IMPG2: variants seen among roughly 807,000 people sequenced by gnomAD.
IMPG2 encodes interphotoreceptor matrix proteoglycan 2.
In IMPG2, 91 loss-of-function variants were observed where a neutral mutation model predicts 129.2. The observed-to-expected ratio is 0.70, with a 90% CI of 0.59 to 0.84. The LOEUF is 0.84. Among genes scored for constraint, IMPG2 ranks in the 40% least tolerant of loss-of-function variants. The pLI is 0.00. For missense variants in IMPG2, 1,430 were observed against 1,461.7 expected, an observed-to-expected ratio of 0.98 and a Z score of 0.35; for synonymous variants, 510 against 517.7, an observed-to-expected ratio of 0.99 and a Z score of 0.20.
chr3:101,249,925 G>C lies in IMPG2; in HGVS notation c.1239+3771C>G, dbSNP rs762412218. 1.7e-3 allele frequency among the ~76,000 whole-genome samples: 258 copies of C among 152,020 alleles called. 1 individual carries two copies. The highest frequency in any genetic ancestry group is 1.9e-3 in the Admixed American group (29 of 15,260). On this transcript the variant is annotated intron_variant, in intron 11 of 18. Transcript: ENST00000193391. The stretch of plus-strand genomic sequence containing the variant: ...GAAAAACATAAAATAAAAAAAAATA[G>C]CTGGGTGCCTTGGTGCACTCCTATA...
intron 7 of IMPG2, among the ~76,000 whole-genome samples, chr3:101,270,570 C>T (rs1051386371): frequency 1.3e-5 from 2 of 151,788 alleles, no homozygotes; most frequent in South Asian, 2.1e-4. Flanking sequence ...CAGGTTGAGG[C>T]GGGTGGATCA....
intron 11 of IMPG2, 108 bp downstream of exon 11, chr3:101,253,588 A>C: frequency 2.6e-6 from 2 of 777,644 alleles, no homozygotes; most frequent in South Asian, 2.9e-5. Flanking sequence ...CAAGAGAATA[A>C]TTGAAATGAG....
At chr3:101,239,936 G>A (rs1195444825) in intron 14 of IMPG2, among the ~76,000 whole-genome samples, 1 of 152,096 alleles carries the variant, frequency 6.6e-6, no homozygotes, top group Admixed American at 6.5e-5. Context: ...AGTGCTAGAG[G>A]AGGGATAGCT....
chr3:101,273,865 T>C, intron 6 of IMPG2, 123 bp from the exon 7 acceptor site: 1 of 991,574 alleles, frequency 1.0e-6, no homozygotes, highest in Admixed American at 2.1e-5. Flanking sequence ...ATCTTATTAT[T>C]TCGTATTTGA....
At chr3:101,247,017 T>A (rs747865202) in intron 11 of IMPG2, among the ~76,000 whole-genome samples, 4 of 151,660 alleles carry the variant, frequency 2.6e-5, no homozygotes, top group Non-Finnish European at 5.9e-5. Flanking sequence ...GATCACTTGA[T>A]CCTGAAAGTT....
Position 101,318,114 on chromosome 3 carries a change from C to T in IMPG2, c.334+1470G>A, listed in dbSNP as rs376768149. Among the ~76,000 whole-genome samples, 177 of 149,800 alleles carry T rather than the reference C, an allele frequency of 1.2e-3. 7 individuals are homozygous for T. In the South Asian group the frequency reaches 0.035, roughly 29 times the overall value. ...TCATGCCACTGCACTCCAGCCTGGG[C>T]GACAGAATGTGAGTATGTCCCAAAA... On this transcript the variant is annotated intron_variant, in intron 2 of 18. Transcript: ENST00000193391.
At chr3:101,279,375 A>G (rs960844140) in intron 4 of IMPG2, among the ~76,000 whole-genome samples, 1 of 152,190 alleles carries the variant, frequency 6.6e-6, no homozygotes, top group Non-Finnish European at 1.5e-5. Flanking sequence ...GTTATGTAAA[A>G]TAGGCCCACT....
chr3:101,301,428 A>G (rs1413092931), intron 3 of IMPG2, among the ~76,000 whole-genome samples: 1 of 152,206 alleles, frequency 6.6e-6, no homozygotes, highest in Admixed American at 6.5e-5. Context: ...AGGGCAGCAC[A>G]ATAAAATAAA....
intron 3 of IMPG2, among the ~76,000 whole-genome samples, chr3:101,292,537 T>A (rs557574404): frequency 6.6e-6 from 1 of 152,350 alleles, no homozygotes; most frequent in Admixed American, 6.5e-5. Context: ...CAAGTCATCA[T>A]CTTTCTGCTT....
At chr3:101,318,237 A>G (rs943533121) in intron 2 of IMPG2, among the ~76,000 whole-genome samples, 53 of 150,728 alleles carry the variant, frequency 3.5e-4, no homozygotes, top group Middle Eastern at 3.5e-3. Flanking sequence ...TAAATTATTA[A>G]CTGTCATCCT....
chr3:101,224,630 T>TTTG lies in IMPG2; in HGVS notation c.*2336_*2338dup, dbSNP rs1388009192. ...ACTAATAGCTCCTTTAGTGCTTTGC[T>TTTG]TTGTACATGAGTGGATGGATCTTTG... On this transcript the variant is annotated 3_prime_UTR_variant, in exon 19 of 19. Transcript: ENST00000193391. 6.6e-6 allele frequency: 1 copy of TTTG among 152,222 alleles called. No individual in the cohort carries two copies. The highest frequency in any genetic ancestry group is 2.4e-5 in the African/African-American group (1 of 41,454). The allele number at this position is 152,222 out of a possible 1,614,324, so 9.4% of individuals were successfully genotyped here.
rs1185719473 is a variant in IMPG2, at chr3:101,304,210, G to T, written c.437C>A (p.Thr146Lys). 3 of 1,613,676 alleles carry T rather than the reference G, an allele frequency of 1.9e-6. No individual in the cohort carries two copies. The highest frequency in any genetic ancestry group is 2.5e-6 in the Non-Finnish European group (3 of 1,179,780). ...YWMNLCEDGV[T>K]SIFEMGTNFS... ...ATTTGTGCCCATTTCAAATATACTT[G>T]TGACTCCATCCTCACACAAATTCAT... The change falls in exon 3 of 19, where the codon ACA becomes AAA. Residue 146 changes from threonine (T) to lysine (K), a missense_variant. Thr to Lys is a moderately conservative substitution (Grantham distance 78, BLOSUM62 -1). Transcript: ENST00000193391.
chr3:101,294,244 G>GC (rs1707053294), intron 3 of IMPG2, among the ~76,000 whole-genome samples: 1 of 151,114 alleles, frequency 6.6e-6, no homozygotes, highest in Admixed American at 6.6e-5. Flanking sequence ...CCTCCCCTTG[G>GC]CCCCCACCCC....
At chr3:101,267,478 T>G in intron 9 of IMPG2, 33 bp downstream of exon 9, 1 of 1,594,502 alleles carries the variant, frequency 6.3e-7, no homozygotes, top group Non-Finnish European at 8.6e-7. Context: ...GTCTCCCAAT[T>G]CAATGGACAT....
chr3:101,259,710 T>A (rs995580600), intron 9 of IMPG2, among the ~76,000 whole-genome samples: 1 of 152,088 alleles, frequency 6.6e-6, no homozygotes, highest in Non-Finnish European at 1.5e-5. Context: ...AGCTAATTTA[T>A]GTTACTAGTT....
At chr3:101,296,617 T>C (rs1707082226) in intron 3 of IMPG2, among the ~76,000 whole-genome samples, 1 of 152,150 alleles carries the variant, frequency 6.6e-6, no homozygotes, top group African/African-American at 2.4e-5. Context: ...TTCAATTGTT[T>C]GCAATAGTTT....
At chr3:101,227,079 C>CA in intron 18 of IMPG2, 98 bp from the exon 19 acceptor site, 1 of 1,284,694 alleles carries the variant, frequency 7.8e-7, no homozygotes, top group Non-Finnish European at 1.1e-6. Context: ...CTCCTAAAAT[C>CA]ATGAATACTT....
rs1478922819 is a variant in IMPG2 at position 101,315,905 on chromosome 3, T to TA, written c.334+3678dup. Among the ~76,000 whole-genome samples, 1,080 of 151,326 alleles carry TA rather than the reference T, an allele frequency of 7.1e-3. 11 individuals are homozygous for TA. The highest frequency in any genetic ancestry group is 0.025 in the African/African-American group (1,026 of 41,268). On this transcript the variant is annotated intron_variant, in intron 2 of 18. Transcript: ENST00000193391. ...GACCTATAATAAAGCTTACAGTAAATAAGACACTATGGTATTGGCATAAAA... is the reference window on the plus strand; with the variant it reads ...GACCTATAATAAAGCTTACAGTAAATAAAGACACTATGGTATTGGCATAAAA...
chr3:101,252,776 A>G (rs1706558020), intron 11 of IMPG2, among the ~76,000 whole-genome samples: 1 of 152,164 alleles, frequency 6.6e-6, no homozygotes. Context: ...GGCTGCAGAG[A>G]TTAATGGTTA....
Sources: allele counts gnomAD v4.1 joint callset (sites outside exome capture counted in the v4.1 genomes callset), GRCh38; gene constraint gnomAD v4.1.1; transcripts MANE v1.5; gene names NCBI Gene and HGNC (gene_info 2026-07-23, HGNC 2026-07-21).